GRM4: variants seen among roughly 807,000 people sequenced by gnomAD.
GRM4 encodes the protein metabotropic glutamate receptor 4.
Under a neutral mutation model 81.7 loss-of-function variants are expected in GRM4, and 28 were observed. That is an observed-to-expected ratio of 0.34 (90% CI 0.25 to 0.47). The LOEUF (loss-of-function observed/expected upper bound fraction) is 0.47. Among genes scored for constraint, GRM4 ranks in the 20% least tolerant of loss-of-function variants. GRM4 has a pLI of 1.00. For missense variants in GRM4, 948 were observed against 1,290.0 expected (o/e 0.73, Z 4.06); for synonymous variants, 488 against 528.8 (o/e 0.92, Z 1.06).
At chr6:34,050,341 G>A (rs983251645) in intron 6 of GRM4, among the ~76,000 whole-genome samples, 1 of 152,216 alleles carries the variant, frequency 6.6e-6, no homozygotes, top group Non-Finnish European at 1.5e-5. Context: ...AGTGTTGAAG[G>A]TGGGGCCTGG....
chr6:34,058,641 C>G (rs1766021836), intron 5 of GRM4, among the ~76,000 whole-genome samples: 1 of 152,178 alleles, frequency 6.6e-6, no homozygotes, highest in Admixed American at 6.5e-5. Context: ...GCCTGTCAAC[C>G]CCAGGCAGAC....
chr6:34,062,292 A>G (rs1581636331), intron 3 of GRM4: 1 of 401,702 alleles, frequency 2.5e-6, no homozygotes, highest in East Asian at 3.9e-5. Context: ...AGCAGCTAGA[A>G]GCAGCACGGC....
intron 3 of GRM4, among the ~76,000 whole-genome samples, chr6:34,073,729 C>G (rs189623146): frequency 9.9e-5 from 15 of 152,278 alleles, no homozygotes; most frequent in Admixed American, 3.3e-4. Context: ...CTCTTCTTAA[C>G]TGAGAAACGC....
At chr6:34,120,320 AG>A (rs1769760299) in intron 2 of GRM4, among the ~76,000 whole-genome samples, 2 of 151,932 alleles carry the variant, frequency 1.3e-5, no homozygotes. Flanking sequence ...CTGGGAGGTG[AG>A]GGAGGAAGTC....
intron 1 of GRM4, among the ~76,000 whole-genome samples, chr6:34,153,496 G>A (rs1771087465): frequency 6.6e-6 from 1 of 152,268 alleles, no homozygotes; most frequent in Non-Finnish European, 1.5e-5. Context: ...CAGGGGCAAA[G>A]CCTTTTGCCG....
In GRM4 at chr6:34,028,232, G is replaced by A; in HGVS notation, c.2577C>T (p.Ser859=). The A allele has an allele frequency of 6.2e-7, 1 of 1,614,104 alleles. No individual in the cohort carries two copies. The highest frequency in any genetic ancestry group is 1.6e-4 in the Middle Eastern group (1 of 6,062). Residue 859 remains serine, a synonymous_variant, in exon 10 of 11, where the codon AGC becomes AGT. Coordinates refer to ENST00000538487, the MANE Select transcript of GRM4 (RefSeq NM_000841.4). ...PEQNVPKRKR[S]LKAVVTAATM... is the part of the protein sequence containing the mutation. ...TGGCCGCCGTAACGACGGCTTTGAG[G>A]CTGCGCTTGCGCTTGGGCACGTTCT... is the stretch of plus-strand genomic sequence containing the variant.
At chr6:34,057,522 G>A (rs984238215) in intron 5 of GRM4, among the ~76,000 whole-genome samples, 1 of 152,164 alleles carries the variant, frequency 6.6e-6, no homozygotes, top group Non-Finnish European at 1.5e-5. Flanking sequence ...TTCCTGTGGG[G>A]GGCCATCCTG....
chr6:34,132,272 C>G (rs1268245104), intron 2 of GRM4, among the ~76,000 whole-genome samples: 1 of 152,052 alleles, frequency 6.6e-6, no homozygotes, highest in Admixed American at 6.5e-5. Context: ...GGTTCAGGGC[C>G]CAGGGCACCA....
At chr6:34,063,929 C>T (rs1237129750) in intron 3 of GRM4, among the ~76,000 whole-genome samples, 1 of 152,158 alleles carries the variant, frequency 6.6e-6, no homozygotes, top group Non-Finnish European at 1.5e-5. Context: ...GGAAGGAAGG[C>T]AGGAGAAGGG....
intron 2 of GRM4, among the ~76,000 whole-genome samples, chr6:34,124,058 C>G (rs1359460336): frequency 6.6e-6 from 1 of 152,222 alleles, no homozygotes; most frequent in Non-Finnish European, 1.5e-5. Flanking sequence ...CAGGGACCAT[C>G]TGCCCACTTT....
At chr6:34,116,609 A>G (rs1342936613) in intron 2 of GRM4, among the ~76,000 whole-genome samples, 1 of 152,124 alleles carries the variant, frequency 6.6e-6, no homozygotes, top group Non-Finnish European at 1.5e-5. Context: ...GATTGGCAGC[A>G]CCTCCTAAAG....
intron 1 of GRM4, among the ~76,000 whole-genome samples, chr6:34,143,456 C>T (rs913617666): frequency 5.3e-5 from 8 of 152,182 alleles, no homozygotes; most frequent in African/African-American, 1.7e-4. Context: ...GAAGAGGTGA[C>T]GAGGCCCCTG....
chr6:34,083,543 C>T (rs370648875), intron 3 of GRM4, among the ~76,000 whole-genome samples: 5 of 152,136 alleles, frequency 3.3e-5, no homozygotes, highest in Non-Finnish European at 7.4e-5. Flanking sequence ...TGACAGGTGG[C>T]GTACAAGGGC....
intron 2 of GRM4, among the ~76,000 whole-genome samples, chr6:34,131,534 T>C (rs1018872532): frequency 6.6e-6 from 1 of 152,104 alleles, no homozygotes; most frequent in African/African-American, 2.4e-5. Flanking sequence ...GAGCAGCCAA[T>C]GGCAAAAGTC....
At chr6:34,025,939 C>T (rs1247844889) in intron 10 of GRM4, among the ~76,000 whole-genome samples, 1 of 152,168 alleles carries the variant, frequency 6.6e-6, no homozygotes, top group African/African-American at 2.4e-5. Flanking sequence ...GGGACAGCAA[C>T]ACTCCCGGAG....
At chr6:34,100,967 T>G (rs1166450163) in intron 2 of GRM4, among the ~76,000 whole-genome samples, 1 of 152,238 alleles carries the variant, frequency 6.6e-6, no homozygotes, top group Non-Finnish European at 1.5e-5. Flanking sequence ...GACGCTATTT[T>G]AAGCCACGGA....
At chr6:34,040,072 G>T (rs1215318480) in intron 8 of GRM4, 106 bp downstream of exon 8, 8 of 1,121,816 alleles carry the variant, frequency 7.1e-6, no homozygotes, top group Non-Finnish European at 1.1e-5. Context: ...GGCAGCAGCG[G>T]TCCTGGAGGT....
chr6:34,022,992 G>A lies in GRM4; in HGVS notation c.2690-122C>T. 1.3e-6 allele frequency: 1 copy of A among 795,336 alleles called. No individual in the cohort carries two copies. The highest frequency in any genetic ancestry group is 2.2e-6 in the Non-Finnish European group (1 of 456,850). The allele number at this position is 795,336 out of a possible 1,614,324, so 49.3% of individuals were successfully genotyped here. The stretch of plus-strand genomic sequence containing the variant: ...AGCTCCCCGCCTCTCATGGCATCCA[G>A]TCCTGAGCTGAGCAATCGACACTGC... On this transcript the variant is annotated intron_variant, in intron 10 of 10. Coordinates refer to ENST00000538487, the MANE Select transcript of GRM4 (RefSeq NM_000841.4). The surrounding 1 kb of genome is among the most constrained non-coding windows in gnomAD (Gnocchi z 5.6).
At chr6:34,085,336 G>A (rs1054906982) in intron 3 of GRM4, among the ~76,000 whole-genome samples, 3 of 152,192 alleles carry the variant, frequency 2.0e-5, no homozygotes, top group South Asian at 2.1e-4. Flanking sequence ...GGCAGGAGGC[G>A]CACCCCACAG....
Sources: gnomAD v4.1 joint callset for allele counts (sites outside exome capture counted in the v4.1 genomes callset) on GRCh38, gnomAD v4.1.1 for gene constraint, Gnocchi (gnomAD v3.1) non-coding constraint, MANE v1.5 for transcripts, NCBI Gene and HGNC (gene_info 2026-07-23, HGNC 2026-07-21) for gene names.